SNX29: variants seen among roughly 807,000 people sequenced by gnomAD.
SNX29 encodes sorting nexin-29.
SNX29 carries 78 observed loss-of-function variants against 102.1 expected under a neutral mutation model. That is an observed-to-expected ratio of 0.76 (90% CI 0.64 to 0.92). The LOEUF (loss-of-function observed/expected upper bound fraction) is 0.92, where lower values mean the gene tolerates loss of function less well. SNX29 is among the 40% of genes least tolerant of loss of function. The pLI, the probability that SNX29 is intolerant of heterozygous loss-of-function variation, is 0.00. For missense variants in SNX29, 1,280 were observed against 1,061.7 expected (o/e 1.21, Z -2.86); for synonymous variants, 580 against 414.5 (o/e 1.40, Z -4.85).
intron 13 of SNX29, among the ~76,000 whole-genome samples, chr16:12,195,009 A>G (rs1377718270): frequency 6.6e-6 from 1 of 152,198 alleles, no homozygotes; most frequent in Non-Finnish European, 1.5e-5. Flanking sequence ...AAAATTTCCA[A>G]TTAATTTTAT....
intron 16 of SNX29, among the ~76,000 whole-genome samples, chr16:12,387,812 T>C (rs1046564694): frequency 1.3e-5 from 2 of 152,156 alleles, no homozygotes; most frequent in East Asian, 3.9e-4. Context: ...CATGAGAACA[T>C]TCTTCCCCTA....
intron 1 of SNX29, chr16:11,977,869 C>T (rs940388194): frequency 3.9e-5 from 6 of 152,224 alleles, no homozygotes; most frequent in Non-Finnish European, 7.3e-5. Context: ...ACTCTGGGAT[C>T]TGGATTTATT....
rs186922556 is a variant in SNX29 at position 12,531,218 on chromosome 16, T to A, written c.2318+6377T>A. On this transcript the variant is annotated intron_variant, in intron 20 of 20. Transcript: ENST00000566228. Reference sequence around the variant, plus strand: ...GCTGCAAGAAGCAGGGAGCCCCAAGTCATCCCCTGTGCCTGGAGAACAGGG... The same window carrying A: ...GCTGCAAGAAGCAGGGAGCCCCAAGACATCCCCTGTGCCTGGAGAACAGGG... Among the ~76,000 whole-genome samples, 1,413 of 152,252 alleles carry A rather than the reference T, an allele frequency of 9.3e-3. 16 individuals carry two copies. The highest frequency in any genetic ancestry group is 0.032 in the African/African-American group (1,322 of 41,556).
At chr16:12,021,384 C>T (rs1015467576) in intron 3 of SNX29, among the ~76,000 whole-genome samples, 3 of 151,938 alleles carry the variant, frequency 2.0e-5, no homozygotes, top group African/African-American at 7.3e-5. Context: ...GGAGATCGCG[C>T]CACTGCACTC....
chr16:12,003,215 G>A (rs2056350726), intron 3 of SNX29, among the ~76,000 whole-genome samples, 172 bp downstream of exon 3: 1 of 152,062 alleles, frequency 6.6e-6, no homozygotes, highest in African/African-American at 2.4e-5. Context: ...ACTCAACCGT[G>A]GACTCTGTGC....
intron 10 of SNX29, among the ~76,000 whole-genome samples, chr16:12,072,746 C>G (rs1033142586): frequency 5.3e-5 from 8 of 152,010 alleles, no homozygotes; most frequent in African/African-American, 1.7e-4. Context: ...AGGAATGGTA[C>G]CAGTTCCTCC....
chr16:12,229,677 C>G (rs184718603), intron 14 of SNX29, among the ~76,000 whole-genome samples: 1 of 151,902 alleles, frequency 6.6e-6, no homozygotes, highest in Non-Finnish European at 1.5e-5. Flanking sequence ...AAAGATCTAC[C>G]GTCAAAGGGA....
Position 12,356,106 on chromosome 16 carries a change from A to G in SNX29, c.1783-57A>G, listed in dbSNP as rs138007961. 415 of 1,519,496 alleles carry G rather than the reference A, an allele frequency of 2.7e-4. 3 individuals carry two copies. In the East Asian group the frequency reaches 9.1e-3, roughly 33 times the overall value. 94.1% of individuals were successfully genotyped at this position (1,519,496 alleles called of 1,614,324 possible). Reference sequence around the variant, plus strand: ...GGAAGGAGAGTCCAGAGAAGGCGGGATTGGTCCCTGGGGAATGTCTGCCTC... The same window carrying G: ...GGAAGGAGAGTCCAGAGAAGGCGGGGTTGGTCCCTGGGGAATGTCTGCCTC... On this transcript the variant is annotated intron_variant, in intron 15 of 20. Coordinates refer to ENST00000566228, the MANE Select transcript of SNX29 (RefSeq NM_032167.5).
At chr16:12,003,429 C>G (rs1428456960) in intron 3 of SNX29, among the ~76,000 whole-genome samples, 1 of 152,006 alleles carries the variant, frequency 6.6e-6, no homozygotes, top group African/African-American at 2.4e-5. Flanking sequence ...TGTTATATAG[C>G]CATTAAAAAT....
intron 8 of SNX29, among the ~76,000 whole-genome samples, chr16:12,057,001 A>G (rs1430580290): frequency 2.0e-5 from 3 of 151,964 alleles, no homozygotes; most frequent in Admixed American, 6.6e-5. Context: ...TTTTATAGAA[A>G]TGGGGTCTCA....
chr16:12,326,295 T>A (rs1463823177), intron 15 of SNX29, among the ~76,000 whole-genome samples: 1 of 151,088 alleles, frequency 6.6e-6, no homozygotes, highest in East Asian at 2.0e-4. Context: ...ATTACAGGTG[T>A]GAGCCCAGCC....
chr16:12,015,352 T>G (rs2056812460), intron 3 of SNX29, among the ~76,000 whole-genome samples: 1 of 152,092 alleles, frequency 6.6e-6, no homozygotes, highest in Admixed American at 6.6e-5. Flanking sequence ...GTGATTCTCC[T>G]GCCTCAGCGT....
chr16:12,023,748 T>C (rs2057102121), intron 3 of SNX29, among the ~76,000 whole-genome samples: 1 of 152,178 alleles, frequency 6.6e-6, no homozygotes, highest in South Asian at 2.1e-4. Flanking sequence ...TGTGACCTCG[T>C]GTATGACATA....
chr16:12,051,332 T>TAAAA (rs372899414), intron 7 of SNX29, among the ~76,000 whole-genome samples: 59 of 138,192 alleles, frequency 4.3e-4, no homozygotes, highest in African/African-American at 1.4e-3. Flanking sequence ...CCCCAACTCT[T>TAAAA]AAAAAAAAAA....
intron 8 of SNX29, among the ~76,000 whole-genome samples, chr16:12,059,466 T>C (rs1405569748): frequency 6.6e-6 from 1 of 152,180 alleles, no homozygotes; most frequent in Non-Finnish European, 1.5e-5. Context: ...CACCCTGCTG[T>C]CTGAAAGCCT....
chr16:12,558,550 C>G (rs1336356593), intron 20 of SNX29, among the ~76,000 whole-genome samples: 6 of 152,356 alleles, frequency 3.9e-5, no homozygotes, highest in African/African-American at 1.4e-4. Context: ...CAGTGCCATG[C>G]CTCTCAGTAC....
At chr16:12,543,089 G>C (rs559858182) in intron 20 of SNX29, among the ~76,000 whole-genome samples, 2 of 152,302 alleles carry the variant, frequency 1.3e-5, no homozygotes, top group African/African-American at 4.8e-5. Context: ...TGTTCTGTCT[G>C]GTGGAAAGAT....
chr16:11,982,169 A>C (rs1311193007), intron 1 of SNX29, among the ~76,000 whole-genome samples: 1 of 152,212 alleles, frequency 6.6e-6, no homozygotes, highest in African/African-American at 2.4e-5. Context: ...TATCAGGAAG[A>C]AAGATGCCTG....
chr16:12,404,684 G>A (rs147386080), intron 18 of SNX29, among the ~76,000 whole-genome samples: 2 of 152,256 alleles, frequency 1.3e-5, no homozygotes, highest in African/African-American at 4.8e-5. Flanking sequence ...TTGAAGAAAG[G>A]ACACTGAACT....
Sources: gnomAD v4.1 joint callset for allele counts (sites outside exome capture counted in the v4.1 genomes callset) on GRCh38, gnomAD v4.1.1 for gene constraint, MANE v1.5 for transcripts, NCBI Gene and HGNC (gene_info 2026-07-23, HGNC 2026-07-21) for gene names.